The following UBL3 variants were observed in gnomAD, a reference collection of about 807,000 sequenced individuals.
UBL3 encodes ubiquitin-like protein 3.
In UBL3, 6 loss-of-function variants were observed where a neutral mutation model predicts 18.4. The ratio of observed to expected loss-of-function variants is 0.33; its 90% CI spans 0.18 to 0.64. UBL3 has a LOEUF of 0.64. Ranked by LOEUF, UBL3 falls within the 30% of genes least tolerant of loss-of-function variation. The pLI is 0.76. For missense variants in UBL3, 109 were observed against 142.9 expected (o/e 0.76, Z 1.21); for synonymous variants, 49 against 46.6 (o/e 1.05, Z -0.21).
intron 1 of UBL3, among the ~76,000 whole-genome samples, chr13:29,825,829 G>C (rs554631389): frequency 8.3e-4 from 127 of 152,170 alleles, no homozygotes; most frequent in African/African-American, 2.9e-3. Context: ...ATTGGCTGTG[G>C]GTTTGTCATA....
chr13:29,785,119 T>A (rs1421149252), intron 1 of UBL3, among the ~76,000 whole-genome samples: 1 of 152,158 alleles, frequency 6.6e-6, no homozygotes. Flanking sequence ...TTGACCAGGC[T>A]GGTCTTGAAC....
At chr13:29,796,747 A>C (rs1013467405) in intron 1 of UBL3, among the ~76,000 whole-genome samples, 1 of 152,202 alleles carries the variant, frequency 6.6e-6, no homozygotes, top group African/African-American at 2.4e-5. Context: ...AAACGCTGAC[A>C]ATCTTTTAGG....
intron 1 of UBL3, among the ~76,000 whole-genome samples, chr13:29,810,397 T>A (rs1878028169): frequency 6.6e-6 from 1 of 151,934 alleles, no homozygotes; most frequent in Admixed American, 6.6e-5. Context: ...AGGCTAATAT[T>A]TAAAAAGCAA....
chr13:29,779,800 G>C (rs1394760430), intron 1 of UBL3, among the ~76,000 whole-genome samples: 3 of 152,120 alleles, frequency 2.0e-5, no homozygotes, highest in Non-Finnish European at 4.4e-5. Context: ...GGACTGACTC[G>C]CATCTCCCCA....
chr13:29,819,885 C>T (rs1878380414), intron 1 of UBL3, among the ~76,000 whole-genome samples: 1 of 151,936 alleles, frequency 6.6e-6, no homozygotes, highest in South Asian at 2.1e-4. Context: ...GGACAATAAT[C>T]CTTTTTCCCC....
Position 29,767,641 on chromosome 13 carries a change from GTCTC to G in UBL3, c.274_277del (p.Glu92HisfsTer23). 6.2e-7 allele frequency: 1 copy of G among 1,613,006 alleles called. No individual in the cohort carries two copies. Among genetic ancestry groups the G allele is most frequent in the East Asian group, 2.2e-5 (1 of 44,840 alleles). ...ACCTTGAGAGTTTGGCTCTGGTAAT[GTCTC>G]TCTGGCCACCAAATGCATCACTGTT... On this transcript the variant is annotated frameshift_variant, in exon 4 of 5. Transcript: ENST00000380680. LOFTEE classifies it high-confidence loss of function.
rs375045938 is a variant in UBL3 at position 29,833,487 on chromosome 13, A to G, written c.27+16025T>C. 3.3e-4 allele frequency among the ~76,000 whole-genome samples: 50 copies of G among 152,306 alleles called. 1 individual carries two copies. The highest frequency in any genetic ancestry group is 3.4e-3 in the Middle Eastern group (1 of 294). ...ACAAGAAACATAAAAATTTGAGAACATGGCAGAAGACACACTGTGAGATTT... is the reference window on the plus strand; with the variant it reads ...ACAAGAAACATAAAAATTTGAGAACGTGGCAGAAGACACACTGTGAGATTT... On this transcript the variant is annotated intron_variant, in intron 1 of 4. Transcript: ENST00000380680.
intron 1 of UBL3, among the ~76,000 whole-genome samples, chr13:29,782,733 C>T (rs2139316920): frequency 6.6e-6 from 1 of 152,318 alleles, no homozygotes; most frequent in South Asian, 2.1e-4. Flanking sequence ...GAAACCTAAT[C>T]ACCCTTCTGG....
intron 1 of UBL3, among the ~76,000 whole-genome samples, chr13:29,791,198 C>T (rs573556544): frequency 1.3e-5 from 2 of 152,248 alleles, no homozygotes; most frequent in South Asian, 2.1e-4. Flanking sequence ...TTCTCACTTG[C>T]CCTTACCCAA....
At chr13:29,838,808 C>T (rs1477183851) in intron 1 of UBL3, among the ~76,000 whole-genome samples, 1 of 151,870 alleles carries the variant, frequency 6.6e-6, no homozygotes, top group African/African-American at 2.4e-5. Flanking sequence ...ACAGTAATTA[C>T]ATTAAAGGTA....
chr13:29,811,423 A>C (rs1203543462), intron 1 of UBL3, among the ~76,000 whole-genome samples: 3 of 152,150 alleles, frequency 2.0e-5, no homozygotes, highest in Non-Finnish European at 4.4e-5. Flanking sequence ...TTAGAGCTAC[A>C]GTAAACTCCA....
chr13:29,828,538 A>C (rs1267541041), intron 1 of UBL3, among the ~76,000 whole-genome samples: 4 of 152,132 alleles, frequency 2.6e-5, no homozygotes, highest in African/African-American at 9.7e-5. Context: ...AGGTCATTTA[A>C]GGACTTCTCT....
chr13:29,801,891 G>A (rs2139333377), intron 1 of UBL3, among the ~76,000 whole-genome samples: 1 of 152,284 alleles, frequency 6.6e-6, no homozygotes, highest in South Asian at 2.1e-4. Flanking sequence ...AGAGGCAAGT[G>A]AAAGGCCCTC....
intron 1 of UBL3, among the ~76,000 whole-genome samples, chr13:29,810,129 A>T (rs1288964913): frequency 1.3e-5 from 2 of 152,236 alleles, no homozygotes; most frequent in East Asian, 3.9e-4. Flanking sequence ...GAAACTGAGG[A>T]ATTAAGGTTA....
chr13:29,830,271 G>A (rs907669872), intron 1 of UBL3, among the ~76,000 whole-genome samples: 4 of 152,162 alleles, frequency 2.6e-5, no homozygotes, highest in Non-Finnish European at 4.4e-5. Context: ...CTCATGTGTT[G>A]CCATAATTTG....
chr13:29,811,584 A>G (rs1380491305), intron 1 of UBL3, among the ~76,000 whole-genome samples: 5 of 152,082 alleles, frequency 3.3e-5, no homozygotes, highest in Non-Finnish European at 7.4e-5. Context: ...CATGCCCTCC[A>G]TGCCATTCCT....
At chr13:29,770,434 AT>A (rs1176584797) in intron 3 of UBL3, among the ~76,000 whole-genome samples, 3 of 152,144 alleles carry the variant, frequency 2.0e-5, no homozygotes, top group Non-Finnish European at 4.4e-5. Flanking sequence ...TTTCAAAAAA[AT>A]ACTGGTAAAA....
At chr13:29,779,378 T>C (rs896855234) in intron 1 of UBL3, 2 of 267,070 alleles carry the variant, frequency 7.5e-6, no homozygotes, top group Non-Finnish European at 1.5e-5. Context: ...TTCAGCCACT[T>C]GTGTTTAACT....
intron 1 of UBL3, among the ~76,000 whole-genome samples, chr13:29,843,257 A>G (rs985102148): frequency 5.3e-5 from 8 of 152,234 alleles, no homozygotes; most frequent in Non-Finnish European, 1.5e-5. Context: ...TAAAACATAT[A>G]CTAAAAACAG....
Sources: gnomAD v4.1 joint callset for allele counts (sites outside exome capture counted in the v4.1 genomes callset) on GRCh38, gnomAD v4.1.1 for gene constraint, MANE v1.5 for transcripts, NCBI Gene and HGNC (gene_info 2026-07-23, HGNC 2026-07-21) for gene names.